The following ZNF41 variants were observed in gnomAD, a reference collection of about 807,000 sequenced individuals.
The protein encoded by ZNF41 is zinc finger protein 41.
Under a neutral mutation model 9.3 loss-of-function variants are expected in ZNF41, and 6 were observed. That is an observed-to-expected ratio of 0.65 (90% CI 0.35 to 1.28). ZNF41 has a LOEUF of 1.28. Ranked by LOEUF, ZNF41 falls within the 50% of genes most tolerant of loss-of-function variation. The pLI is 0.03. For synonymous variants in ZNF41, 192 were observed against 207.1 expected (o/e 0.93, Z 0.63); for missense variants, 523 against 585.8 (o/e 0.89, Z 1.11).
In ZNF41 at chrX:47,454,967, C is replaced by T. The variant is rs775374971; in HGVS notation, c.295+954G>A. Among the ~76,000 whole-genome samples the T allele has an allele frequency of 1.3e-3, 148 of 111,391 alleles. 1 individual carries two copies. The highest frequency in any genetic ancestry group is 2.1e-3 in the Admixed American group (22 of 10,367). Reference sequence around the variant, plus strand: ...ATTGGAATAAAAGAAAAGACCTGGCCAGGCGCGGTGGCTCATGCTTGTAAT... The same window carrying T: ...ATTGGAATAAAAGAAAAGACCTGGCTAGGCGCGGTGGCTCATGCTTGTAAT... On this transcript the variant is annotated intron_variant, in intron 4 of 4. Coordinates refer to ENST00000684689, the MANE Select transcript of ZNF41 (RefSeq NM_001324144.2).
rs1363843617 is a variant in ZNF41, at chrX:47,451,744, CAT to C, written c.296-2272_296-2271del. Among the ~76,000 whole-genome samples, 3 of 112,205 alleles carry C rather than the reference CAT, an allele frequency of 2.7e-5. No homozygotes were observed. In the Admixed American group the frequency reaches 2.8e-4, roughly 11 times the overall value. ...TACAAAAATTAGCCAGGCATGGTGG[CAT>C]GCACCTGTAATCCCAGCCACTCGGG... On this transcript the variant is annotated intron_variant, in intron 4 of 4. Transcript: ENST00000684689.
At chrX:47,456,524 G>C (rs2056572114) in intron 2 of ZNF41, 126 bp from the exon 3 acceptor site, 1 of 987,214 alleles carries the variant, frequency 1.0e-6, no homozygotes, top group Non-Finnish European at 1.4e-6. Flanking sequence ...TAAGTACTTA[G>C]TTTTGTATTT....
intron 2 of ZNF41, among the ~76,000 whole-genome samples, chrX:47,466,104 CTT>C (rs923705705): frequency 2.7e-5 from 3 of 111,023 alleles, no homozygotes; most frequent in Non-Finnish European, 5.7e-5. Flanking sequence ...CACTGGTTAA[CTT>C]TGGGTAATGT....
At chrX:47,477,461 C>T (rs2057366632) in intron 1 of ZNF41, among the ~76,000 whole-genome samples, 1 of 112,680 alleles carries the variant, frequency 8.9e-6, no homozygotes, top group Admixed American at 9.4e-5. Flanking sequence ...CACATTCTTA[C>T]TATCAAGGCC....
At chrX:47,462,472 C>T (rs5952435) in intron 2 of ZNF41, among the ~76,000 whole-genome samples, 5,344 of 110,789 alleles carry the variant, frequency 0.048, 136 homozygotes, top group African/African-American at 0.1. Context: ...CTACCTGGAT[C>T]GCTCTAACTA....
Position 47,446,674 on chromosome X carries a change from TTAA to T in ZNF41, c.*753_*755del, listed in dbSNP as rs1289236517. 1 of 111,230 alleles carries T rather than the reference TTAA, an allele frequency of 9.0e-6. No homozygotes were observed. Among genetic ancestry groups the T allele is most frequent in the African/African-American group, 3.3e-5 (1 of 30,592 alleles). The allele number at this position is 111,230 out of a possible 1,213,427, so 9.2% of individuals were successfully genotyped here. A position where few individuals can be genotyped will look rare whatever the true frequency, so the allele number is the denominator to read the frequency against. On this transcript the variant is annotated 3_prime_UTR_variant, in exon 5 of 5. Transcript: ENST00000684689. ...ACTCATCTGCTCTCCCAGCAGGGAA[TTAA>T]TAATGAGACAACTACTACCTTTATA...
At chrX:47,469,340 A>AAAAAAAAAC (rs2057106303) in intron 1 of ZNF41, among the ~76,000 whole-genome samples, 1 of 93,521 alleles carries the variant, frequency 1.1e-5, no homozygotes, top group African/African-American at 3.9e-5. Context: ...AAAAAAAAAA[A>AAAAAAAAAC]AAGACAGACA....
At chrX:47,467,307 C>T (rs759404699) in intron 2 of ZNF41, 103 bp downstream of exon 2, 1 of 1,163,826 alleles carries the variant, frequency 8.6e-7, no homozygotes, top group African/African-American at 1.8e-5. Context: ...CGGAATCTGC[C>T]ACTTCCTCTG....
intron 1 of ZNF41, among the ~76,000 whole-genome samples, chrX:47,481,155 G>A (rs768245429): frequency 8.9e-6 from 1 of 111,952 alleles, no homozygotes; most frequent in South Asian, 3.7e-4. Flanking sequence ...AAACTTGTGG[G>A]TCAGATGCTC....
intron 4 of ZNF41, among the ~76,000 whole-genome samples, chrX:47,452,396 C>T (rs1455210901): frequency 2.7e-5 from 3 of 109,436 alleles, no homozygotes; most frequent in South Asian, 4.0e-4. Flanking sequence ...GAGTCACCTC[C>T]GCATCAATAG....
At chrX:47,457,799 T>C (rs2056626129) in intron 2 of ZNF41, among the ~76,000 whole-genome samples, 1 of 112,387 alleles carries the variant, frequency 8.9e-6, no homozygotes, top group South Asian at 3.7e-4. Flanking sequence ...ATCACGCCAC[T>C]GCACTCCAGC....
intron 1 of ZNF41, among the ~76,000 whole-genome samples, chrX:47,471,245 T>A (rs1401191992): frequency 9.1e-6 from 1 of 110,449 alleles, no homozygotes; most frequent in African/African-American, 3.3e-5. Context: ...GCTCAGGAGT[T>A]CGAGGTCAGC....
At chrX:47,455,410 TCAC>T (rs1165563029) in intron 4 of ZNF41, among the ~76,000 whole-genome samples, 1 of 107,718 alleles carries the variant, frequency 9.3e-6, no homozygotes, top group Admixed American at 1.0e-4. Flanking sequence ...CATGGTGAAA[TCAC>T]GTCTCTACAA....
rs747482482 is a variant in ZNF41, at chrX:47,466,580, T to C, written c.72+830A>G. Among the ~76,000 whole-genome samples, 11 of 110,560 alleles carry C rather than the reference T, an allele frequency of 9.9e-5. No individual in the cohort carries two copies. The East Asian group carries it at 3.1e-3, about 31-fold the overall frequency. The stretch of plus-strand genomic sequence containing the variant: ...CTCAGGCTGGAATGCAGTGGCATGA[T>C]CTCAGCTCACTGCAACCTCCACCTC... On this transcript the variant is annotated intron_variant, in intron 2 of 4. Transcript: ENST00000684689.
At chrX:47,474,732 G>T (rs756261694) in intron 1 of ZNF41, among the ~76,000 whole-genome samples, 2 of 108,818 alleles carry the variant, frequency 1.8e-5, no homozygotes, top group South Asian at 8.1e-4. Context: ...TTAGAAAGTA[G>T]CCAGGCATGG....
At chrX:47,456,039 G>A (rs1193831110) in intron 3 of ZNF41, 23 bp from the exon 4 acceptor site, 8 of 1,185,938 alleles carry the variant, frequency 6.7e-6, no homozygotes, top group Middle Eastern at 4.6e-4. Context: ...CATGATACAC[G>A]ATTGGGTCCA....
At position 47,470,788 on chromosome X, in the gene ZNF41, G is replaced by A. The variant is rs760016024; in HGVS notation, c.-279-3028C>T. ...AGAAAAAAAGGAAAAAAAATAATAG[G>A]AGGCATAAAATCAAGTATGTTATAA... On this transcript the variant is annotated intron_variant, in intron 1 of 4. Coordinates refer to ENST00000684689, the MANE Select transcript of ZNF41 (RefSeq NM_001324144.2). 3.2e-3 allele frequency among the ~76,000 whole-genome samples: 354 copies of A among 109,519 alleles called. 1 individual carries two copies. The highest frequency in any genetic ancestry group is 0.014 in the Middle Eastern group (3 of 214).
rs1177591499 is a variant in ZNF41, at chrX:47,446,924, G to A, written c.*506C>T. Reference sequence around the variant, plus strand: ...AAACAGATATCTGCATTCCCAAGTAGGTTTTCTGCCTTGATGTCAGTGCCC... The same window carrying A: ...AAACAGATATCTGCATTCCCAAGTAAGTTTTCTGCCTTGATGTCAGTGCCC... On this transcript the variant is annotated 3_prime_UTR_variant, in exon 5 of 5. Coordinates refer to ENST00000684689, the MANE Select transcript of ZNF41 (RefSeq NM_001324144.2). The A allele has an allele frequency of 1.7e-5, 2 of 114,830 alleles. No individual in the cohort carries two copies. The highest frequency in any genetic ancestry group is 6.5e-5 in the African/African-American group (2 of 30,689). 9.5% of individuals were successfully genotyped at this position (114,830 alleles called of 1,213,427 possible). A position where few individuals can be genotyped will look rare whatever the true frequency, so the allele number is the denominator to read the frequency against.
chrX:47,448,458 G>A lies in ZNF41; in HGVS notation c.1312C>T (p.Pro438Ser). The change falls in exon 5 of 5, where the codon CCT becomes TCT. Residue 438 changes from proline to serine, a missense_variant. Physicochemically the swap from Pro to Ser is moderately conservative, Grantham distance 74 (BLOSUM62 -1). Transcript: ENST00000684689. ...MHQRIHTGEK[P>S]YVCADCGKAF... ...TTCCCACAGTCAGCGCATACATAAG[G>A]TTTCTCTCCCGTGTGGATTCTCTGA... 1 of 1,211,359 alleles carries A rather than the reference G, an allele frequency of 8.3e-7. No homozygotes were observed. The highest frequency in any genetic ancestry group is 1.1e-6 in the Non-Finnish European group (1 of 895,496).
Sources: gnomAD v4.1 joint callset for allele counts (sites outside exome capture counted in the v4.1 genomes callset) on GRCh38, gnomAD v4.1.1 for gene constraint, MANE v1.5 for transcripts, NCBI Gene and HGNC (gene_info 2026-07-23, HGNC 2026-07-21) for gene names.